The following SRGAP3 variants were observed in gnomAD, a reference collection of about 807,000 sequenced individuals.
The protein encoded by SRGAP3 is SLIT-ROBO Rho GTPase-activating protein 3.
A neutral mutation model predicts 121.1 loss-of-function variants in SRGAP3; 39 were observed. The ratio of observed to expected loss-of-function variants is 0.32; its 90% CI spans 0.25 to 0.42. The LOEUF is 0.42. SRGAP3 is among the 10% of genes least tolerant of loss of function. The pLI is 1.00. For synonymous variants in SRGAP3, 601 were observed against 570.0 expected, an observed-to-expected ratio of 1.05 and a Z score of -0.77; for missense variants, 1,213 against 1,470.6, an observed-to-expected ratio of 0.82 and a Z score of 2.86.
At chr3:9,311,857 T>C (rs1269946487) in intron 3 of SRGAP3, among the ~76,000 whole-genome samples, 1 of 152,198 alleles carries the variant, frequency 6.6e-6, no homozygotes, top group Non-Finnish European at 1.5e-5. Flanking sequence ...TACCCTGCTG[T>C]AATACTAGAA....
At chr3:9,018,448 C>G (rs1574917021) in intron 14 of SRGAP3, among the ~76,000 whole-genome samples, 1 of 152,170 alleles carries the variant, frequency 6.6e-6, no homozygotes, top group Non-Finnish European at 1.5e-5. Flanking sequence ...TCCATAGTGG[C>G]TGTATTAATT....
chr3:9,246,138 C>T (rs1013856457), intron 1 of SRGAP3, among the ~76,000 whole-genome samples: 1 of 152,134 alleles, frequency 6.6e-6, no homozygotes, highest in African/African-American at 2.4e-5. Flanking sequence ...CTAAAACATT[C>T]CTTTGTGTTA....
At chr3:9,194,107 T>C (rs1485527351) in intron 1 of SRGAP3, 14 of 152,158 alleles carry the variant, frequency 9.2e-5, no homozygotes, top group Non-Finnish European at 2.9e-5. Context: ...GAAAGAGAAC[T>C]GAGACTGAGC....
At chr3:9,011,357 G>A (rs909914937) in intron 17 of SRGAP3, among the ~76,000 whole-genome samples, 4 of 152,160 alleles carry the variant, frequency 2.6e-5, no homozygotes, top group Non-Finnish European at 5.9e-5. Context: ...ATTTTATTAC[G>A]AAAAATTCTC....
intron 3 of SRGAP3, among the ~76,000 whole-genome samples, chr3:9,103,750 G>A (rs1948305982): frequency 6.6e-6 from 1 of 152,210 alleles, no homozygotes. Context: ...CAAGGAAACT[G>A]AAATTCACAA....
intron 1 of SRGAP3, among the ~76,000 whole-genome samples, chr3:9,204,877 C>T (rs900130711): frequency 2.0e-5 from 3 of 152,240 alleles, no homozygotes; most frequent in African/African-American, 7.2e-5. Flanking sequence ...GAAAACCGCC[C>T]TTTGTGGAGG....
At chr3:9,250,462 G>C (rs946420852), upstream of SRGAP3, among the ~76,000 whole-genome samples, 2 of 152,138 alleles carry the variant, frequency 1.3e-5, no homozygotes, top group African/African-American at 4.8e-5. Context: ...CGAGGCAAGA[G>C]GCCCTGGGAG....
At chr3:9,281,150 A>T (rs1374168861) in intron 3 of SRGAP3, among the ~76,000 whole-genome samples, 1 of 152,204 alleles carries the variant, frequency 6.6e-6, no homozygotes, top group African/African-American at 2.4e-5. Context: ...CCACAAAGCC[A>T]CTGAAATCCC....
At chr3:9,060,432 T>TTTTTTC (rs1946095527) in intron 5 of SRGAP3, 73 bp from the exon 6 acceptor site, 8 of 1,419,344 alleles carry the variant, frequency 5.6e-6, no homozygotes, top group Non-Finnish European at 6.6e-6. Context: ...CTATTCCTTT[T>TTTTTTC]TTTTTTTTTT....
At position 9,185,730 on chromosome 3, in the gene SRGAP3, TCTTA is replaced by T. The variant is rs1951575516; in HGVS notation, c.68-60817_68-60814del. On this transcript the variant is annotated intron_variant, in intron 1 of 21. Coordinates refer to ENST00000383836, the MANE Select transcript of SRGAP3 (RefSeq NM_014850.4). ...GACTAATTTTTTTTTTGAGACAGGGTCTTACTATGTTGCTCAGGCTGGTCTCAAA... is the reference window on the plus strand; with the variant it reads ...GACTAATTTTTTTTTTGAGACAGGGTCTATGTTGCTCAGGCTGGTCTCAAA... Among the ~76,000 whole-genome samples, 18 of 151,782 alleles carry T rather than the reference TCTTA, an allele frequency of 1.2e-4. No homozygotes were observed. The South Asian group carries it at 3.6e-3, about 30-fold the overall frequency.
intron 3 of SRGAP3, among the ~76,000 whole-genome samples, chr3:9,289,627 T>C (rs1215051816): frequency 1.3e-5 from 2 of 152,210 alleles, no homozygotes; most frequent in Non-Finnish European, 2.9e-5. Context: ...AGACAGACAA[T>C]TGTTTTTATC....
intron 9 of SRGAP3, among the ~76,000 whole-genome samples, chr3:9,052,276 G>C (rs543532998): frequency 1.3e-5 from 2 of 152,346 alleles, no homozygotes; most frequent in South Asian, 4.1e-4. Flanking sequence ...AGAAATCCTA[G>C]TGAGGTAGGT....
chr3:9,355,033 A>G (rs1169157386), intron 1 of SRGAP3, among the ~76,000 whole-genome samples: 1 of 152,198 alleles, frequency 6.6e-6, no homozygotes, highest in Non-Finnish European at 1.5e-5. Context: ...AACCATAAAG[A>G]GCATATGTGC....
At chr3:9,225,698 G>C (rs570998801) in intron 1 of SRGAP3, among the ~76,000 whole-genome samples, 1 of 152,062 alleles carries the variant, frequency 6.6e-6, no homozygotes, top group Non-Finnish European at 1.5e-5. Flanking sequence ...TCACAACAGC[G>C]CAGGGCCTTT....
chr3:9,148,544 C>T (rs1353563458), intron 1 of SRGAP3, among the ~76,000 whole-genome samples: 1 of 152,192 alleles, frequency 6.6e-6, no homozygotes, highest in African/African-American at 2.4e-5. Context: ...CAGGGTACCC[C>T]CATTTCCAAT....
At chr3:9,081,824 G>A (rs1264797866) in intron 3 of SRGAP3, among the ~76,000 whole-genome samples, 1 of 152,082 alleles carries the variant, frequency 6.6e-6, no homozygotes, top group Admixed American at 6.6e-5. Context: ...TTATGATTTT[G>A]GTAAATATTC....
chr3:9,230,862 AAAAAAAAAAG>A (rs1479813205), intron 1 of SRGAP3, among the ~76,000 whole-genome samples: 3 of 149,162 alleles, frequency 2.0e-5, no homozygotes, highest in East Asian at 2.0e-4. Context: ...ATCTCAAAAA[AAAAAAAAAAG>A]AAAAGAAAAG....
chr3:8,998,485 G>A (rs1444852126), intron 18 of SRGAP3, among the ~76,000 whole-genome samples: 1 of 151,942 alleles, frequency 6.6e-6, no homozygotes, highest in Admixed American at 6.6e-5. Context: ...ATCACAACCT[G>A]AAATTTATGT....
chr3:9,061,338 G>A (rs572842811), intron 5 of SRGAP3, among the ~76,000 whole-genome samples: 2 of 152,250 alleles, frequency 1.3e-5, no homozygotes, highest in East Asian at 3.9e-4. Context: ...CACTTCTCAA[G>A]CTCCACCTTC....
Sources: gnomAD v4.1 joint callset for allele counts (sites outside exome capture counted in the v4.1 genomes callset) on GRCh38, gnomAD v4.1.1 for gene constraint, MANE v1.5 for transcripts, NCBI Gene and HGNC (gene_info 2026-07-23, HGNC 2026-07-21) for gene names.